Variants in MAFG observed in about 807,000 individuals in gnomAD.
The protein encoded by MAFG is transcription factor MafG.
MAFG carries 3 observed loss-of-function variants against 12.2 expected under a neutral mutation model. That is an observed-to-expected ratio of 0.25 (90% CI 0.11 to 0.64). MAFG has a LOEUF of 0.64. Ranked by LOEUF, MAFG falls within the 30% of genes least tolerant of loss-of-function variation. MAFG has a pLI of 0.85. For missense variants in MAFG, 153 were observed against 235.5 expected (o/e 0.65, Z 2.29); for synonymous variants, 126 against 109.1 (o/e 1.15, Z -0.96).
At position 81,922,383 on chromosome 17, in the gene MAFG, G is replaced by A. The variant is rs1055924745; in HGVS notation, c.*222C>T. 14 of 402,664 alleles carry A rather than the reference G, an allele frequency of 3.5e-5. No homozygotes were observed. Among genetic ancestry groups the A allele is most frequent in the South Asian group, 2.2e-4 (3 of 13,468 alleles). The allele number at this position is 402,664 out of a possible 1,614,324, so 24.9% of individuals were successfully genotyped here. On this transcript the variant is annotated 3_prime_UTR_variant, in exon 3 of 3. Transcript: ENST00000357736. ...GGGGTTGGGGCGACCCCACGTCACC[G>A]CCGAACTGACCAATCCCAACATACA... is the stretch of plus-strand genomic sequence containing the variant.
chr17:81,922,221 AGGGAACACT>A lies in MAFG; in HGVS notation c.*375_*383del, dbSNP rs2040897453. ...CGAGCCTGTGGCCACTCGGGAGTGG[AGGGAACACT>A]GGGACCCTCACTGCTCGGGGACACG... On this transcript the variant is annotated 3_prime_UTR_variant, in exon 3 of 3. Coordinates refer to ENST00000357736, the MANE Select transcript of MAFG (RefSeq NM_002359.4). 6.3e-6 allele frequency: 1 copy of A among 159,314 alleles called. No individual in the cohort carries two copies. Among genetic ancestry groups the A allele is most frequent in the Non-Finnish European group, 1.4e-5 (1 of 73,056 alleles). 9.9% of individuals were successfully genotyped at this position (159,314 alleles called of 1,614,324 possible). A position where few individuals can be genotyped will look rare whatever the true frequency, so the allele number is the denominator to read the frequency against.
chr17:81,922,989 C>A lies in MAFG; in HGVS notation c.105G>T (p.Arg35=). 1 of 1,598,226 alleles carries A rather than the reference C, an allele frequency of 6.3e-7. No homozygotes were observed. The highest frequency in any genetic ancestry group is 8.5e-7 in the Non-Finnish European group (1 of 1,172,444). ...TDEELVTMSV[R]ELNQHLRGLS... is the part of the protein sequence containing the mutation. ...GGCCCCGCAGGTGCTGGTTCAGCTCCCGCACCGACATGGTCACCAGCTCCT... is the reference window on the plus strand; with the variant it reads ...GGCCCCGCAGGTGCTGGTTCAGCTCACGCACCGACATGGTCACCAGCTCCT... The change falls in exon 3 of 3, where the codon CGG becomes CGT. Residue 35 remains arginine, a synonymous_variant. Coordinates refer to ENST00000357736, the MANE Select transcript of MAFG (RefSeq NM_002359.4).
chr17:81,928,264 C>T (rs1252761329), upstream of MAFG: 1 of 152,240 alleles, frequency 6.6e-6, no homozygotes, highest in Non-Finnish European at 1.5e-5. The surrounding 1 kb of genome is among the most constrained non-coding windows in gnomAD (Gnocchi z 8.1). Flanking sequence ...CCTTCCTGCG[C>T]CACGTGTACC....
At chr17:81,930,340 T>A (rs2040975396), upstream of MAFG, 1 of 152,338 alleles carries the variant, frequency 6.6e-6, no homozygotes, top group Admixed American at 6.5e-5. This position sits in a 1 kb window ranked among gnomAD's most constrained non-coding sequence, Gnocchi z 4.1. Context: ...GGGCCCCAGC[T>A]GGCAAGCTGG....
chr17:81,923,377 C>T, intron 1 of MAFG, 163 bp from the exon 2 acceptor site: 1 of 532,662 alleles, frequency 1.9e-6, no homozygotes, highest in Non-Finnish European at 3.3e-6. Flanking sequence ...CCCTTGGCCT[C>T]TCCCAGGCTG....
In MAFG at chr17:81,919,418, C is replaced by T. The variant is rs1304394729; in HGVS notation, c.*3187G>A. The T allele has an allele frequency of 2.6e-5, 4 of 152,388 alleles. No homozygotes were observed. In the East Asian group the frequency reaches 7.7e-4, roughly 29 times the overall value. 9.4% of individuals were successfully genotyped at this position (152,388 alleles called of 1,614,324 possible). On this transcript the variant is annotated 3_prime_UTR_variant, in exon 3 of 3. Transcript: ENST00000357736. ...CTGAAACATGCACCAAGAGCTGAGC[C>T]AGCAACACCAGTGCCACCCCGAGCA...
At chr17:81,923,708 T>A (rs2040918799) in intron 1 of MAFG, among the ~76,000 whole-genome samples, 1 of 151,624 alleles carries the variant, frequency 6.6e-6, no homozygotes, top group Admixed American at 6.6e-5. Flanking sequence ...GCCCCCAGCC[T>A]GGCCAATAGC....
chr17:81,925,447 G>A (rs2040931599), intron 1 of MAFG, among the ~76,000 whole-genome samples: 1 of 152,250 alleles, frequency 6.6e-6, no homozygotes, highest in Non-Finnish European at 1.5e-5. Context: ...TAAGCTCTCA[G>A]CTCCTGAAAG....
chr17:81,925,358 C>G (rs557835939), intron 1 of MAFG, among the ~76,000 whole-genome samples: 1 of 152,248 alleles, frequency 6.6e-6, no homozygotes, highest in Non-Finnish European at 1.5e-5. Flanking sequence ...TAGAAACTCC[C>G]GTGCCTGAAC....
chr17:81,921,698 CTTTTT>C lies in MAFG; in HGVS notation c.*902_*906del, dbSNP rs964402788. 11 of 139,508 alleles carry C rather than the reference CTTTTT, an allele frequency of 7.9e-5. No individual in the cohort carries two copies. Among genetic ancestry groups the C allele is most frequent in the African/African-American group, 2.9e-4 (11 of 37,496 alleles). The allele number at this position is 139,508 out of a possible 1,614,324, so 8.6% of individuals were successfully genotyped here. On this transcript the variant is annotated 3_prime_UTR_variant, in exon 3 of 3. Transcript: ENST00000357736. ...AAAGGGATTTTTTTTCTTTTTTTTT[CTTTTT>C]TTTTTAACTAGCAAAGTTTCTATTA...
Position 81,922,433 on chromosome 17 carries a change from TCAAAGGGG to T in MAFG, c.*164_*171del. On this transcript the variant is annotated 3_prime_UTR_variant, in exon 3 of 3. Coordinates refer to ENST00000357736, the MANE Select transcript of MAFG (RefSeq NM_002359.4). Reference sequence around the variant, plus strand: ...AAAACACACGACGACAATGACGAGATCAAAGGGGCTCAGCCCGGCGCCCCTGGGGTACA... The same window carrying T: ...AAAACACACGACGACAATGACGAGATCTCAGCCCGGCGCCCCTGGGGTACA... 7.9e-6 allele frequency: 4 copies of T among 508,034 alleles called. No individual in the cohort carries two copies. Among genetic ancestry groups the T allele is most frequent in the Admixed American group, 3.9e-5 (1 of 25,342 alleles). 31.5% of individuals were successfully genotyped at this position (508,034 alleles called of 1,614,324 possible). A position where few individuals can be genotyped will look rare whatever the true frequency, so the allele number is the denominator to read the frequency against.
In MAFG at chr17:81,926,119, G is replaced by T. The variant is rs891811599; in HGVS notation, c.-30+1409C>A. On this transcript the variant is annotated intron_variant, in intron 1 of 2. Coordinates refer to ENST00000357736, the MANE Select transcript of MAFG (RefSeq NM_002359.4). This position sits in a 1 kb window ranked among gnomAD's most constrained non-coding sequence, Gnocchi z 4.6. ...TCCTGGGCAAAGGAAGTCAACCTTC[G>T]TGAATCTCCACATACCCAAGGAAAG... 4.6e-5 allele frequency among the ~76,000 whole-genome samples: 7 copies of T among 152,008 alleles called. No individual in the cohort carries two copies. The highest frequency in any genetic ancestry group is 8.8e-5 in the Non-Finnish European group (6 of 68,008).
upstream of MAFG, chr17:81,930,241 G>T (rs914350555): frequency 6.6e-6 from 1 of 152,332 alleles, no homozygotes; most frequent in Non-Finnish European, 1.5e-5. The surrounding 1 kb of genome is among the most constrained non-coding windows in gnomAD (Gnocchi z 4.1). Context: ...CTGACCCACT[G>T]GTTCCAGAGT....
rs1167877256 is a variant in MAFG at position 81,926,093 on chromosome 17, C to T, written c.-30+1435G>A. On this transcript the variant is annotated intron_variant, in intron 1 of 2. Coordinates refer to ENST00000357736, the MANE Select transcript of MAFG (RefSeq NM_002359.4). This position sits in a 1 kb window ranked among gnomAD's most constrained non-coding sequence, Gnocchi z 4.6. The stretch of plus-strand genomic sequence containing the variant: ...TAGCCTAACCCAGCCATGAAATGAA[C>T]TCCTGGGCAAAGGAAGTCAACCTTC... Among the ~76,000 whole-genome samples, 5 of 151,900 alleles carry T rather than the reference C, an allele frequency of 3.3e-5. No individual in the cohort carries two copies. Among genetic ancestry groups the T allele is most frequent in the Non-Finnish European group, 7.4e-5 (5 of 67,980 alleles).
chr17:81,927,445 C>G (rs1476841667), intron 1 of MAFG, 83 bp downstream of exon 1: 1 of 148,982 alleles, frequency 6.7e-6, no homozygotes, highest in South Asian at 1.8e-4. Flanking sequence ...CCGGGAGGAG[C>G]CCTGCCTGCG....
chr17:81,928,603 A>G (rs1249587625), upstream of MAFG, among the ~76,000 whole-genome samples: 1 of 152,144 alleles, frequency 6.6e-6, no homozygotes, highest in African/African-American at 2.4e-5. This position sits in a 1 kb window ranked among gnomAD's most constrained non-coding sequence, Gnocchi z 8.1. Context: ...CGAGCCCCAC[A>G]GCACGTTGTC....
Position 81,926,031 on chromosome 17 carries a change from G to A in MAFG, c.-30+1497C>T, listed in dbSNP as rs954681595. ...GTGTGTGTGTGTGTGTGTGTGTGGCGGGGGGCGGGGGGCATCCCTGAGGGC... is the reference window on the plus strand; with the variant it reads ...GTGTGTGTGTGTGTGTGTGTGTGGCAGGGGGCGGGGGGCATCCCTGAGGGC... On this transcript the variant is annotated intron_variant, in intron 1 of 2. Coordinates refer to ENST00000357736, the MANE Select transcript of MAFG (RefSeq NM_002359.4). The surrounding 1 kb of genome is among the most constrained non-coding windows in gnomAD (Gnocchi z 4.6). Among the ~76,000 whole-genome samples the A allele has an allele frequency of 1.6e-5, 2 of 127,576 alleles. No individual in the cohort carries two copies. The highest frequency in any genetic ancestry group is 3.4e-5 in the African/African-American group (1 of 29,740). 83.7% of individuals were successfully genotyped at this position (127,576 alleles called of 152,430 possible).
rs1367725072 is a variant in MAFG, at chr17:81,922,526, G to A, written c.*79C>T. On this transcript the variant is annotated 3_prime_UTR_variant, in exon 3 of 3. Coordinates refer to ENST00000357736, the MANE Select transcript of MAFG (RefSeq NM_002359.4). The stretch of plus-strand genomic sequence containing the variant: ...AAGAGAGGGAGGAAAGAGAAGAGAA[G>A]GAAACAGAGGGACAGGGCAGCCAAA... 9.0e-7 allele frequency: 1 copy of A among 1,112,966 alleles called. No individual in the cohort carries two copies. The highest frequency in any genetic ancestry group is 1.7e-5 in the African/African-American group (1 of 60,394). 68.9% of individuals were successfully genotyped at this position (1,112,966 alleles called of 1,614,324 possible).
upstream of MAFG, among the ~76,000 whole-genome samples, chr17:81,931,008 CTG>C (rs1567917954): frequency 6.6e-6 from 1 of 152,192 alleles, no homozygotes; most frequent in African/African-American, 2.4e-5. Flanking sequence ...TCCTCACGCT[CTG>C]TGGCTTCCTG....
Sources: gnomAD v4.1 joint callset for allele counts (sites outside exome capture counted in the v4.1 genomes callset) on GRCh38, gnomAD v4.1.1 for gene constraint, Gnocchi (gnomAD v3.1) non-coding constraint, MANE v1.5 for transcripts, NCBI Gene and HGNC (gene_info 2026-07-23, HGNC 2026-07-21) for gene names.